The following CWF19L2 variants were observed in gnomAD, a reference collection of about 807,000 sequenced individuals.
CWF19L2 encodes the protein CWF19-like protein 2.
Under a neutral mutation model 111.7 loss-of-function variants are expected in CWF19L2, and 98 were observed. The observed-to-expected ratio is 0.88, with a 90% CI of 0.75 to 1.04. CWF19L2 has a LOEUF of 1.04. CWF19L2 is among the 50% of genes least tolerant of loss of function. The pLI is 0.00. For missense variants in CWF19L2, 1,101 were observed against 1,051.4 expected (o/e 1.05, Z -0.65); for synonymous variants, 351 against 342.9 (o/e 1.02, Z -0.26).
At chr11:107,331,798 C>T (rs1231856501) in intron 16 of CWF19L2, among the ~76,000 whole-genome samples, 38 of 152,230 alleles carry the variant, frequency 2.5e-4, no homozygotes, top group Non-Finnish European at 2.6e-4. Flanking sequence ...ACTACTTTCA[C>T]ACAAAGGCAA....
intron 4 of CWF19L2, 146 bp downstream of exon 4, chr11:107,442,793 A>AGG (rs1414417872): frequency 4.1e-6 from 1 of 246,312 alleles, no homozygotes; most frequent in African/African-American, 8.5e-5. Context: ...GAAGGAAGGA[A>AGG]GGGAGGGAGG....
chr11:107,410,572 C>T (rs1469799035), intron 10 of CWF19L2, among the ~76,000 whole-genome samples: 2 of 152,120 alleles, frequency 1.3e-5, no homozygotes, highest in Non-Finnish European at 2.9e-5. Context: ...AATAACACTT[C>T]GTATGATACT....
intron 10 of CWF19L2, among the ~76,000 whole-genome samples, chr11:107,400,288 C>G (rs1425391157): frequency 6.6e-6 from 1 of 151,524 alleles, no homozygotes; most frequent in Non-Finnish European, 1.5e-5. Flanking sequence ...AAAGCTGGTT[C>G]TTCAAAAAGA....
chr11:107,334,086 C>A (rs1859887829), intron 16 of CWF19L2, among the ~76,000 whole-genome samples: 1 of 152,150 alleles, frequency 6.6e-6, no homozygotes, highest in African/African-American at 2.4e-5. Context: ...AACCCCAGCA[C>A]TAGACTATAA....
At chr11:107,394,823 A>AC (rs1256955922) in intron 10 of CWF19L2, among the ~76,000 whole-genome samples, 4 of 152,118 alleles carry the variant, frequency 2.6e-5, no homozygotes, top group South Asian at 2.1e-4. Context: ...CCTAATCATC[A>AC]CCCATATTGC....
chr11:107,384,503 G>A (rs1022152621), intron 12 of CWF19L2, among the ~76,000 whole-genome samples: 1 of 152,116 alleles, frequency 6.6e-6, no homozygotes, highest in African/African-American at 2.4e-5. Context: ...GAATTTTAAT[G>A]CATTTCAGAT....
In CWF19L2 at chr11:107,442,994, T is replaced by G. The variant is rs1861653635; in HGVS notation, c.395A>C (p.Lys132Thr). ...AVPSQTPDKE[K>T]AWKVKDEKSG... ...CTTTTCATCTTTCACTTTCCAGGCT[T>G]TTTCCTTGTCAGGAGTCTGGGATGG... The change falls in exon 4 of 18, where the codon AAA (lysine) becomes ACA (threonine). Residue 132 changes from lysine (K) to threonine (T), a missense_variant. Transcript: ENST00000282251. The G allele has an allele frequency of 2.6e-6, 4 of 1,551,792 alleles. No homozygotes were observed. Among genetic ancestry groups the G allele is most frequent in the Non-Finnish European group, 3.5e-6 (4 of 1,146,956 alleles).
chr11:107,392,419 T>C (rs1294197758), intron 11 of CWF19L2, among the ~76,000 whole-genome samples: 3 of 152,224 alleles, frequency 2.0e-5, no homozygotes, highest in South Asian at 2.1e-4. Context: ...CATCACCAGG[T>C]CTCAAGTTAG....
At chr11:107,342,149 T>C (rs1331203727) in intron 14 of CWF19L2, among the ~76,000 whole-genome samples, 2 of 152,006 alleles carry the variant, frequency 1.3e-5, no homozygotes, top group Non-Finnish European at 1.5e-5. Flanking sequence ...GTGAAGGTTT[T>C]TCCTCTTTTC....
chr11:107,342,873 G>C (rs182841114), intron 14 of CWF19L2, among the ~76,000 whole-genome samples: 49 of 152,284 alleles, frequency 3.2e-4, no homozygotes, highest in African/African-American at 1.2e-3. Flanking sequence ...AAGAAGAGGA[G>C]AAGGCAATAT....
At chr11:107,441,657 C>T (rs1411859862) in intron 4 of CWF19L2, 35 bp from the exon 5 acceptor site, 1 of 1,490,338 alleles carries the variant, frequency 6.7e-7, no homozygotes, top group East Asian at 2.5e-5. Context: ...CAACAGTCAT[C>T]CACTCATCAT....
intron 6 of CWF19L2, among the ~76,000 whole-genome samples, chr11:107,435,797 T>A (rs1282394446): frequency 6.6e-6 from 1 of 151,438 alleles, no homozygotes; most frequent in African/African-American, 2.4e-5. Flanking sequence ...CAAAATTCAA[T>A]AAAAAAAAAT....
chr11:107,444,759 T>A (rs1290836589), intron 3 of CWF19L2, among the ~76,000 whole-genome samples: 3 of 152,220 alleles, frequency 2.0e-5, no homozygotes, highest in Admixed American at 2.0e-4. Flanking sequence ...AACTGAGTTA[T>A]CTGGAACAAC....
At chr11:107,363,622 TGA>T (rs1332837947) in intron 12 of CWF19L2, among the ~76,000 whole-genome samples, 1 of 121,222 alleles carries the variant, frequency 8.2e-6, no homozygotes, top group African/African-American at 3.5e-5. Flanking sequence ...AAGCAAATGC[TGA>T]GAGATTCTGT....
intron 10 of CWF19L2, among the ~76,000 whole-genome samples, chr11:107,411,471 G>A (rs538090034): frequency 6.6e-6 from 1 of 152,092 alleles, no homozygotes; most frequent in African/African-American, 2.4e-5. Context: ...ATGTGTGTTT[G>A]TCTTTTGAAC....
At chr11:107,358,762 G>A (rs1243734046) in intron 12 of CWF19L2, among the ~76,000 whole-genome samples, 1 of 152,148 alleles carries the variant, frequency 6.6e-6, no homozygotes, top group Admixed American at 6.5e-5. Context: ...AACCATGAGA[G>A]TAACAGCTTT....
chr11:107,326,904 T>C lies in CWF19L2; in HGVS notation c.*6A>G. Reference sequence around the variant, plus strand: ...TGAAGAAAAATTTTAAAATGGAAGGTACACCTCAATAGTTTTTACTTTTGG... The same window carrying C: ...TGAAGAAAAATTTTAAAATGGAAGGCACACCTCAATAGTTTTTACTTTTGG... On this transcript the variant is annotated 3_prime_UTR_variant, in exon 18 of 18. Transcript: ENST00000282251. The C allele has an allele frequency of 1.3e-6, 2 of 1,583,972 alleles. No individual in the cohort carries two copies. The highest frequency in any genetic ancestry group is 1.9e-5 in the Admixed American group (1 of 52,226).
intron 16 of CWF19L2, 41 bp downstream of exon 16, chr11:107,334,840 G>C: frequency 8.4e-7 from 1 of 1,194,896 alleles, no homozygotes; most frequent in Non-Finnish European, 1.2e-6. Flanking sequence ...AAGATCCTGA[G>C]CACTAGGGTA....
intron 17 of CWF19L2, among the ~76,000 whole-genome samples, chr11:107,327,395 A>T (rs1859777143): frequency 6.6e-6 from 1 of 152,164 alleles, no homozygotes; most frequent in Non-Finnish European, 1.5e-5. Flanking sequence ...AATTTTGCAA[A>T]AATGTTAATC....
Sources: gnomAD v4.1 joint callset for allele counts (sites outside exome capture counted in the v4.1 genomes callset) on GRCh38, gnomAD v4.1.1 for gene constraint, MANE v1.5 for transcripts, NCBI Gene and HGNC (gene_info 2026-07-23, HGNC 2026-07-21) for gene names.